Variants in PRPF31 observed in about 807,000 individuals in gnomAD.
PRPF31 encodes pre-mRNA processing factor 31.
In PRPF31, 12 loss-of-function variants were observed where a neutral mutation model predicts 60.4. That is an observed-to-expected ratio of 0.20 (90% confidence interval 0.13 to 0.32). The LOEUF (loss-of-function observed/expected upper bound fraction) is 0.32, where lower values mean the gene tolerates loss of function less well. Ranked by LOEUF, PRPF31 falls within the 10% of genes least tolerant of loss-of-function variation. The pLI is 1.00. For synonymous variants in PRPF31, 287 were observed against 287.9 expected (o/e 1.00, Z 0.03); for missense variants, 431 against 687.1 (o/e 0.63, Z 4.17).
chr19:54,117,683 CAAAAAA>C (rs57949221), intron 1 of PRPF31, among the ~76,000 whole-genome samples: 2 of 80,472 alleles, frequency 2.5e-5, no homozygotes, highest in East Asian at 4.0e-4. Context: ...CTTGACTCTA[CAAAAAA>C]AAAAAAAAAA....
Position 54,128,386 on chromosome 19 carries a change from C to T in PRPF31, c.1146+9C>T. The stretch of plus-strand genomic sequence containing the variant: ...GTATGAGCTTCGGAGAGGTCAGACT[C>T]CCAGAGCGCCCTCCTCAACCCCACA... On this transcript the variant is annotated intron_variant, in intron 11 of 13. Coordinates refer to ENST00000321030, the MANE Select transcript of PRPF31 (RefSeq NM_015629.4). 2.6e-6 allele frequency: 4 copies of T among 1,546,778 alleles called. No homozygotes were observed. Among genetic ancestry groups the T allele is most frequent in the Non-Finnish European group, 3.5e-6 (4 of 1,145,854 alleles).
intron 11 of PRPF31, 129 bp downstream of exon 11, chr19:54,128,506 C>CCG: frequency 1.1e-6 from 1 of 940,688 alleles, no homozygotes; most frequent in Non-Finnish European, 1.7e-6. Flanking sequence ...CCAGCCTCCC[C>CCG]CCCCCCGGCC....
At chr19:54,121,792 T>C in intron 3 of PRPF31, 68 bp from the exon 4 acceptor site, 1 of 1,473,374 alleles carries the variant, frequency 6.8e-7, no homozygotes, top group East Asian at 2.4e-5. Flanking sequence ...CTCCGCCTCC[T>C]CCAGCTGCGG....
chr19:54,116,765 G>C (rs1402930339), intron 1 of PRPF31, among the ~76,000 whole-genome samples: 1 of 152,220 alleles, frequency 6.6e-6, no homozygotes, highest in Non-Finnish European at 1.5e-5. Context: ...GAGGTGGAAC[G>C]TGAGAGCTGA....
chr19:54,123,230 G>T (rs184262395), intron 5 of PRPF31: 1 of 609,574 alleles, frequency 1.6e-6, no homozygotes, highest in South Asian at 1.9e-5. Flanking sequence ...CCCGGGCTCC[G>T]TTTCCAGGTC....
At chr19:54,126,718 T>C (rs937928693) in intron 9 of PRPF31, 101 bp downstream of exon 9, 2 of 1,201,490 alleles carry the variant, frequency 1.7e-6, no homozygotes, top group Admixed American at 2.0e-5. Flanking sequence ...CAGCGAGCAC[T>C]GTCCTACCAA....
At position 54,124,477 on chromosome 19, in the gene PRPF31, TCCTCCCTC is replaced by T. The variant is rs761511073; in HGVS notation, c.698-15_698-8del. 6.9e-7 allele frequency: 1 copy of T among 1,443,930 alleles called. No individual in the cohort carries two copies. The highest frequency in any genetic ancestry group is 1.1e-5 in the South Asian group (1 of 88,826). 89.4% of individuals were successfully genotyped at this position (1,443,930 alleles called of 1,614,324 possible). A position where few individuals can be genotyped will look rare whatever the true frequency, so the allele number is the denominator to read the frequency against. ...CTGCTTTCTTCTGACCGCCCCCCCTTCCTCCCTCCCTCCCACCGCAGGTGTGGCCGGCG... is the reference window on the plus strand; with the variant it reads ...CTGCTTTCTTCTGACCGCCCCCCCTTCCTCCCACCGCAGGTGTGGCCGGCG... On this transcript the variant is annotated splice_polypyrimidine_tract_variant and intron_variant, in intron 7 of 13. Transcript: ENST00000321030.
intron 8 of PRPF31, 28 bp downstream of exon 8, chr19:54,124,684 C>T: frequency 1.9e-6 from 3 of 1,607,534 alleles, no homozygotes; most frequent in Non-Finnish European, 2.5e-6. Context: ...TGGCCCCTCC[C>T]CCGGCCCCCC....
At position 54,122,650 on chromosome 19, in the gene PRPF31, AC is replaced by A. The variant is rs1397210697; in HGVS notation, c.420+57del. The stretch of plus-strand genomic sequence containing the variant: ...TGGCGTGAAGGGGCAGGCGGGGCTC[AC>A]TCTCGGACCCCCTCCCAGAGGCCTG... On this transcript the variant is annotated intron_variant, in intron 5 of 13. Transcript: ENST00000321030. The A allele has an allele frequency of 7.1e-6, 10 of 1,414,134 alleles. No individual in the cohort carries two copies. In the African/African-American group the frequency reaches 1.1e-4, roughly 16 times the overall value. 87.6% of individuals were successfully genotyped at this position (1,414,134 alleles called of 1,614,324 possible). A position where few individuals can be genotyped will look rare whatever the true frequency, so the allele number is the denominator to read the frequency against.
intron 5 of PRPF31, 196 bp downstream of exon 5, chr19:54,122,790 C>A: frequency 3.0e-6 from 2 of 663,136 alleles, no homozygotes; most frequent in Non-Finnish European, 5.5e-6. Context: ...CAACCCCAGT[C>A]TCCCGAGAGG....
intron 3 of PRPF31, chr19:54,119,639 G>C: frequency 6.6e-6 from 1 of 151,984 alleles, no homozygotes; most frequent in East Asian, 2.0e-4. Context: ...TGGGATTACA[G>C]GTATGCAACA....
intron 6 of PRPF31, 37 bp from the exon 7 acceptor site, chr19:54,123,712 G>A (rs753752416): frequency 5.6e-6 from 9 of 1,595,416 alleles, no homozygotes; most frequent in Middle Eastern, 1.7e-4. Flanking sequence ...CCAGGCAGGC[G>A]GGAGACCCAG....
chr19:54,128,280 G>T, intron 10 of PRPF31, 25 bp from the exon 11 acceptor site: 1 of 1,551,336 alleles, frequency 6.4e-7, no homozygotes, highest in Non-Finnish European at 8.7e-7. Flanking sequence ...CGACTCCCTG[G>T]CGCCGCCCAC....
intron 8 of PRPF31, chr19:54,124,997 C>T (rs1335801672): frequency 7.4e-5 from 34 of 457,902 alleles, no homozygotes; most frequent in East Asian, 3.3e-4. Context: ...GTCGGGTTAG[C>T]GTGCAACTGC....
In PRPF31 at chr19:54,124,676, G is replaced by A. The variant is rs1412779081; in HGVS notation, c.855+20G>A. The stretch of plus-strand genomic sequence containing the variant: ...CCACCGGTGAGCCCACTGCGTCATG[G>A]CCCCTCCCCCGGCCCCCCTGGAGCC... On this transcript the variant is annotated intron_variant, in intron 8 of 13. Coordinates refer to ENST00000321030, the MANE Select transcript of PRPF31 (RefSeq NM_015629.4). 6.2e-7 allele frequency: 1 copy of A among 1,610,262 alleles called. No homozygotes were observed. The highest frequency in any genetic ancestry group is 8.5e-7 in the Non-Finnish European group (1 of 1,179,626).
chr19:54,128,502 T>C (rs1315887555), intron 11 of PRPF31, 125 bp downstream of exon 11: 1,133 of 815,428 alleles, frequency 1.4e-3, no homozygotes, highest in African/African-American at 2.6e-3. Flanking sequence ...TGCCCCAGCC[T>C]CCCCCCCCCC....
chr19:54,128,959 T>G, intron 11 of PRPF31, 98 bp from the exon 12 acceptor site: 1 of 1,305,478 alleles, frequency 7.7e-7, no homozygotes, highest in Non-Finnish European at 1.1e-6. Flanking sequence ...ACCGGCCGGC[T>G]GGTGACCGCT....
intron 9 of PRPF31, 124 bp from the exon 10 acceptor site, chr19:54,127,949 C>T (rs1236772792): frequency 6.1e-6 from 8 of 1,321,954 alleles, no homozygotes; most frequent in Non-Finnish European, 7.4e-6. Flanking sequence ...AAGGGGGTGG[C>T]GGTGAGGCAG....
chr19:54,128,395 C>T lies in PRPF31; in HGVS notation c.1146+18C>T, dbSNP rs1323922138. ...TCGGAGAGGTCAGACTCCCAGAGCG[C>T]CCTCCTCAACCCCACAGCCAGCCAG... On this transcript the variant is annotated intron_variant, in intron 11 of 13. Coordinates refer to ENST00000321030, the MANE Select transcript of PRPF31 (RefSeq NM_015629.4). 1.3e-6 allele frequency: 2 copies of T among 1,545,884 alleles called. No homozygotes were observed. Among genetic ancestry groups the T allele is most frequent in the South Asian group, 1.2e-5 (1 of 83,918 alleles).
Sources: allele counts gnomAD v4.1 joint callset (sites outside exome capture counted in the v4.1 genomes callset), GRCh38; gene constraint gnomAD v4.1.1; transcripts MANE v1.5; gene names NCBI Gene and HGNC (gene_info 2026-07-23, HGNC 2026-07-21).